WWOX: variants seen among roughly 807,000 people sequenced by gnomAD.
The protein encoded by WWOX is WW domain-containing oxidoreductase.
A neutral mutation model predicts 46.2 loss-of-function variants in WWOX; 69 were observed. The ratio of observed to expected loss-of-function variants is 1.49; its 90% CI spans 1.23 to 1.82. WWOX has a LOEUF of 1.82. WWOX is among the 40% of genes most tolerant of loss of function. The probability of loss-of-function intolerance (pLI) is 0.00; values close to 1 mark genes in which losing one functional copy is unlikely to be tolerated. For synonymous variants in WWOX, 359 were observed against 202.6 expected (o/e 1.77, Z -6.56); for missense variants, 919 against 542.6 (o/e 1.69, Z -6.89).
intron 8 of WWOX, among the ~76,000 whole-genome samples, chr16:78,472,222 A>G (rs1440142654): frequency 4.6e-5 from 7 of 152,150 alleles, no homozygotes; most frequent in Non-Finnish European, 8.8e-5. Context: ...CTGGCTGCAT[A>G]TTGCATTCCT....
At chr16:79,042,167 G>C (rs1332433984) in intron 8 of WWOX, among the ~76,000 whole-genome samples, 1 of 152,146 alleles carries the variant, frequency 6.6e-6, no homozygotes, top group East Asian at 1.9e-4. Flanking sequence ...TGGAGGCTCA[G>C]ATGCACACAG....
At chr16:78,260,439 C>A (rs1042437077) in intron 5 of WWOX, among the ~76,000 whole-genome samples, 1 of 151,366 alleles carries the variant, frequency 6.6e-6, no homozygotes, top group African/African-American at 2.4e-5. Flanking sequence ...CCAAGGCGGG[C>A]AGATCACTTG....
chr16:78,200,923 G>A (rs55842068), intron 5 of WWOX, among the ~76,000 whole-genome samples: 10 of 152,202 alleles, frequency 6.6e-5, no homozygotes, highest in Non-Finnish European at 7.4e-5. Flanking sequence ...CACAGCAGAC[G>A]GCAAACAGAA....
intron 5 of WWOX, among the ~76,000 whole-genome samples, chr16:78,258,401 G>A (rs2038186440): frequency 6.6e-6 from 1 of 152,086 alleles, no homozygotes; most frequent in African/African-American, 2.4e-5. Context: ...TTAACATATT[G>A]CATTGGTGTG....
intron 8 of WWOX, among the ~76,000 whole-genome samples, chr16:78,442,164 C>T (rs1307514075): frequency 6.6e-6 from 1 of 151,804 alleles, no homozygotes; most frequent in Non-Finnish European, 1.5e-5. Flanking sequence ...TATATGTATT[C>T]GTGGTGTGAA....
At chr16:79,100,069 C>T (rs1336716858) in intron 8 of WWOX, among the ~76,000 whole-genome samples, 1 of 152,158 alleles carries the variant, frequency 6.6e-6, no homozygotes, top group Non-Finnish European at 1.5e-5. Flanking sequence ...ACACTCAGAC[C>T]ATCTAAGATT....
chr16:78,645,043 T>C (rs2046807331), intron 8 of WWOX, among the ~76,000 whole-genome samples: 1 of 152,196 alleles, frequency 6.6e-6, no homozygotes, highest in Non-Finnish European at 1.5e-5. Flanking sequence ...TCTTCAAAAG[T>C]TGGGTTGCAT....
chr16:79,110,912 A>G (rs1305356590), intron 8 of WWOX: 1 of 152,172 alleles, frequency 6.6e-6, no homozygotes, highest in Non-Finnish European at 1.5e-5. Flanking sequence ...TTGAGAAATG[A>G]GATATCGAGA....
chr16:78,518,967 T>A (rs1234308211), intron 8 of WWOX, among the ~76,000 whole-genome samples: 1 of 152,208 alleles, frequency 6.6e-6, no homozygotes, highest in African/African-American at 2.4e-5. Context: ...GAAAAAAACT[T>A]GCTTGTTTAC....
chr16:78,894,843 T>G (rs1168322123), intron 8 of WWOX, among the ~76,000 whole-genome samples: 3 of 152,188 alleles, frequency 2.0e-5, no homozygotes, highest in African/African-American at 7.2e-5. Flanking sequence ...GCGGCTATTA[T>G]GAGAAAAACA....
chr16:78,774,625 T>C (rs765834204), intron 8 of WWOX, among the ~76,000 whole-genome samples: 21 of 151,964 alleles, frequency 1.4e-4, no homozygotes, highest in Non-Finnish European at 2.9e-5. Flanking sequence ...GCACATGGCG[T>C]TGTTCTTAAC....
chr16:79,199,473 G>C (rs796150091), intron 8 of WWOX, among the ~76,000 whole-genome samples: 1 of 152,190 alleles, frequency 6.6e-6, no homozygotes, highest in African/African-American at 2.4e-5. Flanking sequence ...CTCTTAGCAG[G>C]AGGCCGCCAG....
intron 8 of WWOX, among the ~76,000 whole-genome samples, chr16:79,112,466 G>A (rs1263517994): frequency 6.6e-6 from 1 of 152,080 alleles, no homozygotes; most frequent in African/African-American, 2.4e-5. Flanking sequence ...TTCCCCAGAT[G>A]CCTGCGTGCC....
chr16:78,491,177 CAT>C (rs997679155), intron 8 of WWOX, among the ~76,000 whole-genome samples: 3 of 152,202 alleles, frequency 2.0e-5, no homozygotes, highest in Non-Finnish European at 4.4e-5. Flanking sequence ...CTCTTGGCCT[CAT>C]ATCTTCCACA....
At chr16:78,173,464 T>C (rs2035229714) in intron 5 of WWOX, among the ~76,000 whole-genome samples, 1 of 151,450 alleles carries the variant, frequency 6.6e-6, no homozygotes. Context: ...AATTTTTTTT[T>C]TTTTTTTTTT....
At chr16:78,524,813 T>C (rs1186671923) in intron 8 of WWOX, among the ~76,000 whole-genome samples, 3 of 107,380 alleles carry the variant, frequency 2.8e-5, no homozygotes, top group African/African-American at 9.2e-5. Context: ...ATTTTGATTT[T>C]TTATGGGTTT....
intron 8 of WWOX, among the ~76,000 whole-genome samples, chr16:79,112,447 G>A (rs961913799): frequency 2.0e-5 from 3 of 152,100 alleles, no homozygotes; most frequent in East Asian, 1.9e-4. Context: ...CCATCTGGGG[G>A]CTTCCAGCTT....
At chr16:78,615,342 T>C (rs2045997586) in intron 8 of WWOX, among the ~76,000 whole-genome samples, 1 of 152,218 alleles carries the variant, frequency 6.6e-6, no homozygotes, top group South Asian at 2.1e-4. Context: ...ACCTGGTGTA[T>C]AGTTGGCTAA....
At chr16:78,978,019 G>T (rs1190392505) in intron 8 of WWOX, among the ~76,000 whole-genome samples, 1 of 152,176 alleles carries the variant, frequency 6.6e-6, no homozygotes, top group Non-Finnish European at 1.5e-5. Flanking sequence ...ATAAAAGTCT[G>T]TACCAATTAA....
Sources: allele counts gnomAD v4.1 joint callset (sites outside exome capture counted in the v4.1 genomes callset), GRCh38; gene constraint gnomAD v4.1.1; transcripts MANE v1.5; gene names NCBI Gene and HGNC (gene_info 2026-07-23, HGNC 2026-07-21).